Variants in TTC3 observed in about 807,000 individuals in gnomAD.
The protein encoded by TTC3 is E3 ubiquitin-protein ligase TTC3.
In TTC3, 180 loss-of-function variants were observed where a neutral mutation model predicts 249.6. The ratio of observed to expected loss-of-function variants is 0.72; its 90% CI spans 0.64 to 0.82. The LOEUF (loss-of-function observed/expected upper bound fraction) is 0.82, where lower values mean the gene tolerates loss of function less well. Ranked by LOEUF, TTC3 falls within the 40% of genes least tolerant of loss-of-function variation. The probability of loss-of-function intolerance (pLI) is 0.00; values close to 1 mark genes in which losing one functional copy is unlikely to be tolerated. For missense variants in TTC3, 2,061 were observed against 2,398.4 expected (o/e 0.86, Z 2.94); for synonymous variants, 717 against 805.0 (o/e 0.89, Z 1.85).
chr21:37,174,588 C>T (rs1319480300), intron 35 of TTC3, among the ~76,000 whole-genome samples: 3 of 152,154 alleles, frequency 2.0e-5, no homozygotes, highest in Admixed American at 6.5e-5. Context: ...CCAACTTTTC[C>T]TTTATACTCC....
intron 34 of TTC3, among the ~76,000 whole-genome samples, chr21:37,169,883 C>A (rs193258809): frequency 6.6e-6 from 1 of 151,406 alleles, no homozygotes; most frequent in African/African-American, 2.4e-5. Context: ...CCGAAGATGG[C>A]AAATTATCAG....
chr21:37,160,190 T>A (rs1396793586), intron 29 of TTC3, among the ~76,000 whole-genome samples: 1 of 152,262 alleles, frequency 6.6e-6, no homozygotes, highest in Non-Finnish European at 1.5e-5. Context: ...AGTTGCCTTT[T>A]ATTCATTCTT....
At chr21:37,073,838 T>A (rs567241236) in intron 1 of TTC3, among the ~76,000 whole-genome samples, 2 of 152,264 alleles carry the variant, frequency 1.3e-5, no homozygotes, top group East Asian at 3.9e-4. Flanking sequence ...ACTGCCCCTG[T>A]CTGTGGGCTG....
chr21:37,105,941 T>C (rs2075038170), intron 10 of TTC3, among the ~76,000 whole-genome samples: 2 of 152,198 alleles, frequency 1.3e-5, no homozygotes, highest in African/African-American at 4.8e-5. Context: ...TTTATTTCTG[T>C]TGAGTGTATA....
At chr21:37,163,112 A>G (rs556540415) in intron 31 of TTC3, among the ~76,000 whole-genome samples, 2 of 152,348 alleles carry the variant, frequency 1.3e-5, no homozygotes, top group African/African-American at 4.8e-5. Flanking sequence ...TATGTATCAG[A>G]CATTGTTTTG....
chr21:37,149,445 G>A (rs2079261604), intron 23 of TTC3, among the ~76,000 whole-genome samples: 1 of 152,142 alleles, frequency 6.6e-6, no homozygotes, highest in Non-Finnish European at 1.5e-5. Flanking sequence ...TGTCACCTTT[G>A]AGTCACTTCT....
rs532936162 is a variant in TTC3 at position 37,096,419 on chromosome 21, C to T, written c.783-162C>T. Among the ~76,000 whole-genome samples, 13 of 152,262 alleles carry T rather than the reference C, an allele frequency of 8.5e-5. No individual in the cohort carries two copies. In the South Asian group the frequency reaches 2.3e-3, roughly 27 times the overall value. ...GTTACTTATGTAAGAAGTGAAGGAACGGGGACTTCGCCAGTTAAGACTCCA... is the reference window on the plus strand; with the variant it reads ...GTTACTTATGTAAGAAGTGAAGGAATGGGGACTTCGCCAGTTAAGACTCCA... On this transcript the variant is annotated intron_variant, in intron 9 of 45. Transcript: ENST00000355666.
chr21:37,131,673 T>A (rs1279900563), intron 16 of TTC3, among the ~76,000 whole-genome samples: 1 of 152,154 alleles, frequency 6.6e-6, no homozygotes, highest in African/African-American at 2.4e-5. Flanking sequence ...GCAGCTGAAG[T>A]GAGGGCAGTC....
At chr21:37,138,195 A>G (rs975958073) in intron 18 of TTC3, among the ~76,000 whole-genome samples, 2 of 152,190 alleles carry the variant, frequency 1.3e-5, no homozygotes, top group Non-Finnish European at 2.9e-5. Flanking sequence ...CATAACTTTA[A>G]TATGCACTGG....
At chr21:37,082,925 T>G in intron 1 of TTC3, 4 of 981,610 alleles carry the variant, frequency 4.1e-6, no homozygotes, top group Non-Finnish European at 4.8e-6. Context: ...CTAGTTTACA[T>G]CTAAGTTAAG....
intron 8 of TTC3, among the ~76,000 whole-genome samples, chr21:37,094,843 A>G (rs1259102179): frequency 6.6e-6 from 1 of 152,170 alleles, no homozygotes; most frequent in Non-Finnish European, 1.5e-5. Flanking sequence ...ATTTAAATAT[A>G]TATACCGAGG....
Position 37,141,458 on chromosome 21 carries a change from T to A in TTC3, c.1772+785T>A, listed in dbSNP as rs540281175. Among the ~76,000 whole-genome samples, 223 of 151,998 alleles carry A rather than the reference T, an allele frequency of 1.5e-3. 2 individuals carry two copies. The highest frequency in any genetic ancestry group is 4.9e-3 in the African/African-American group (204 of 41,466). On this transcript the variant is annotated intron_variant, in intron 20 of 45. Coordinates refer to ENST00000355666, the Ensembl canonical transcript of TTC3. ...AATGTGCCTAGAACCTCCTTTATAG[T>A]TTTTTTTAAATTAAAGAAAGTTTTT...
chr21:37,145,862 G>A (rs1047963978), intron 21 of TTC3, among the ~76,000 whole-genome samples: 2 of 152,134 alleles, frequency 1.3e-5, no homozygotes, highest in East Asian at 3.9e-4. Flanking sequence ...CTCACCCCAG[G>A]GAGGGAATTA....
chr21:37,083,111 G>A (rs2071932218), intron 1 of TTC3: 1 of 985,262 alleles, frequency 1.0e-6, no homozygotes, highest in Admixed American at 6.2e-5. Context: ...CAGAGAAGAG[G>A]TGCAAAAATC....
At chr21:37,159,424 T>G (rs1012323849) in intron 28 of TTC3, 3 of 377,540 alleles carry the variant, frequency 7.9e-6, no homozygotes, top group Non-Finnish European at 1.4e-5. Context: ...GGGACTGTCT[T>G]GTGCATCTCT....
Position 37,156,042 on chromosome 21 carries a change from G to GT in TTC3, c.2741-602dup, listed in dbSNP as rs1295717505. On this transcript the variant is annotated intron_variant, in intron 27 of 45. Coordinates refer to ENST00000355666, the Ensembl canonical transcript of TTC3. ...ATTAGTGAAAACATTGTTTGGGTTTGTTTTTTTTTTTAGAGATAGGGTCTT... is the reference window on the plus strand; with the variant it reads ...ATTAGTGAAAACATTGTTTGGGTTTGTTTTTTTTTTTTAGAGATAGGGTCTT... Among the ~76,000 whole-genome samples, 94 of 37,558 alleles carry GT rather than the reference G, an allele frequency of 2.5e-3. 1 individual carries two copies. Among genetic ancestry groups the GT allele is most frequent in the Middle Eastern group, 0.026 (2 of 76 alleles). 24.6% of individuals were successfully genotyped at this position (37,558 alleles called of 152,430 possible). A position where few individuals can be genotyped will look rare whatever the true frequency, so the allele number is the denominator to read the frequency against.
At chr21:37,091,568 A>ATTTAT (rs2073272431) in intron 7 of TTC3, 155 bp downstream of exon 7, 11 of 190,946 alleles carry the variant, frequency 5.8e-5, no homozygotes, top group African/African-American at 2.4e-4. Flanking sequence ...TCTTTTTTTT[A>ATTTAT]TTATTTATTT....
chr21:37,118,387 G>C (rs894969435), intron 11 of TTC3, among the ~76,000 whole-genome samples: 2 of 152,098 alleles, frequency 1.3e-5, no homozygotes, highest in African/African-American at 2.4e-5. Flanking sequence ...TCACTTTCAG[G>C]ATTTAGAAAG....
intron 35 of TTC3, among the ~76,000 whole-genome samples, chr21:37,177,705 T>C (rs1479313721): frequency 2.6e-5 from 4 of 152,218 alleles, no homozygotes; most frequent in Admixed American, 1.3e-4. Context: ...GGCATCACTT[T>C]CTTGAGGAAA....
Sources: allele counts gnomAD v4.1 joint callset (sites outside exome capture counted in the v4.1 genomes callset), GRCh38; gene constraint gnomAD v4.1.1; transcripts MANE v1.5; gene names NCBI Gene and HGNC (gene_info 2026-07-23, HGNC 2026-07-21).